Variants in KCNMA1 observed in about 807,000 individuals in gnomAD.
KCNMA1 encodes potassium calcium-activated channel subfamily M alpha 1.
Under a neutral mutation model 140.0 loss-of-function variants are expected in KCNMA1, and 29 were observed. The observed-to-expected ratio is 0.21, with a 90% CI of 0.15 to 0.28. The LOEUF (loss-of-function observed/expected upper bound fraction) is 0.28, where lower values mean the gene tolerates loss of function less well. KCNMA1 is among the 10% of genes least tolerant of loss of function. The pLI is 1.00. For missense variants in KCNMA1, 880 were observed against 1,602.2 expected, an observed-to-expected ratio of 0.55 and a Z score of 7.70; for synonymous variants, 612 against 611.9, an observed-to-expected ratio of 1.00 and a Z score of 0.00.
chr10:77,334,207 C>A (rs2154368978), intron 2 of KCNMA1, among the ~76,000 whole-genome samples: 1 of 152,244 alleles, frequency 6.6e-6, no homozygotes, highest in African/African-American at 2.4e-5. Context: ...CTCATTCGCT[C>A]ACCGCTCTAC....
At chr10:77,324,969 CTCTGTGTGTGTGTGTGTG>C (rs1384835444) in intron 2 of KCNMA1, among the ~76,000 whole-genome samples, 1 of 95,086 alleles carries the variant, frequency 1.1e-5, no homozygotes, top group East Asian at 2.7e-4. Context: ...CTCTCTCTCT[CTCTGTGTGTGTGTGTGTG>C]TGTGTGTGTG....
At chr10:76,928,370 T>G (rs1381718181) in intron 23 of KCNMA1, among the ~76,000 whole-genome samples, 5 of 151,696 alleles carry the variant, frequency 3.3e-5, no homozygotes, top group Non-Finnish European at 7.4e-5. Flanking sequence ...GGGAAGAGAC[T>G]TCCTGCCTCC....
At chr10:77,472,753 CTG>C (rs1368182236) in intron 1 of KCNMA1, among the ~76,000 whole-genome samples, 1 of 152,202 alleles carries the variant, frequency 6.6e-6, no homozygotes, top group Non-Finnish European at 1.5e-5. Context: ...AGTCTTTCAT[CTG>C]TGACATCTGT....
At chr10:77,463,524 G>C (rs2097917718) in intron 1 of KCNMA1, among the ~76,000 whole-genome samples, 2 of 152,220 alleles carry the variant, frequency 1.3e-5, no homozygotes, top group Non-Finnish European at 2.9e-5. Context: ...TGAGCAGAGA[G>C]GAGCCGCTCT....
At chr10:77,360,764 T>G (rs1383093627) in intron 2 of KCNMA1, among the ~76,000 whole-genome samples, 2 of 152,144 alleles carry the variant, frequency 1.3e-5, no homozygotes, top group Non-Finnish European at 2.9e-5. Flanking sequence ...CCTGGCCCTT[T>G]CCACAGCACT....
At chr10:77,310,673 T>G (rs1185280181) in intron 2 of KCNMA1, among the ~76,000 whole-genome samples, 3 of 152,194 alleles carry the variant, frequency 2.0e-5, no homozygotes. Context: ...AATTTCTCCC[T>G]GCTATGGAGA....
rs3068755 is a variant in KCNMA1 at position 77,324,940 on chromosome 10, ACTCTCTCTCTCTCT to A, written c.541-73698_541-73685del. ...TTCTGGACACTCAGTATAGCTCTAG[ACTCTCTCTCTCTCT>A]CTCTCTCTCTCTCTCTCTGTGTGTG... On this transcript the variant is annotated intron_variant, in intron 2 of 27. Coordinates refer to ENST00000286628, the MANE Select transcript of KCNMA1 (RefSeq NM_001161352.2). 8.7e-3 allele frequency among the ~76,000 whole-genome samples: 811 copies of A among 93,466 alleles called. 12 individuals are homozygous for A. The highest frequency in any genetic ancestry group is 0.017 in the African/African-American group (534 of 31,404). 61.3% of individuals were successfully genotyped at this position (93,466 alleles called of 152,430 possible).
chr10:77,234,243 T>C (rs2054627193), intron 3 of KCNMA1, among the ~76,000 whole-genome samples: 1 of 152,202 alleles, frequency 6.6e-6, no homozygotes, highest in African/African-American at 2.4e-5. Flanking sequence ...ATAAATAATA[T>C]TTTTCTGAGA....
chr10:77,311,383 C>A (rs1200585512), intron 2 of KCNMA1, among the ~76,000 whole-genome samples: 1 of 152,074 alleles, frequency 6.6e-6, no homozygotes, highest in Non-Finnish European at 1.5e-5. Flanking sequence ...TCCATGGCAA[C>A]AGATGCTCCC....
At chr10:77,583,481 A>T (rs1406358759) in intron 1 of KCNMA1, among the ~76,000 whole-genome samples, 1 of 152,228 alleles carries the variant, frequency 6.6e-6, no homozygotes, top group African/African-American at 2.4e-5. Flanking sequence ...TCTCAAAAGG[A>T]GGTGATGATC....
intron 2 of KCNMA1, among the ~76,000 whole-genome samples, chr10:77,290,079 T>C (rs1221325389): frequency 2.0e-5 from 3 of 152,206 alleles, no homozygotes; most frequent in Admixed American, 6.5e-5. Flanking sequence ...CCACTGATTA[T>C]AGTGGTGGTT....
chr10:76,878,039 A>C, intron 29 of KCNMA1: 1 of 748,826 alleles, frequency 1.3e-6, no homozygotes, highest in Non-Finnish European at 2.3e-6. Context: ...GAGACAGTGC[A>C]GTGTAGGGAG....
At chr10:76,955,211 T>TA (rs1335293571) in intron 20 of KCNMA1, among the ~76,000 whole-genome samples, 15 of 151,544 alleles carry the variant, frequency 9.9e-5, no homozygotes, top group Non-Finnish European at 1.6e-4. Context: ...TTTTTTTTTT[T>TA]TAGACAGAGT....
At chr10:77,164,558 A>G (rs1442098696) in intron 5 of KCNMA1, among the ~76,000 whole-genome samples, 1 of 151,982 alleles carries the variant, frequency 6.6e-6, no homozygotes, top group Non-Finnish European at 1.5e-5. Context: ...ATGATCTTTA[A>G]GAAAAGACAA....
intron 16 of KCNMA1, chr10:77,025,407 G>A (rs2093357048): frequency 6.3e-7 from 1 of 1,576,892 alleles, no homozygotes; most frequent in African/African-American, 1.4e-5. Flanking sequence ...TGAAGATAGA[G>A]GGTGGAGGTT....
At chr10:77,633,611 AATGGGATCTG>A (rs2093440108) in intron 1 of KCNMA1, among the ~76,000 whole-genome samples, 1 of 152,218 alleles carries the variant, frequency 6.6e-6, no homozygotes, top group African/African-American at 2.4e-5. Context: ...ACCAAGCTGT[AATGGGATCTG>A]ATATTTATAT....
intron 11 of KCNMA1, 36 bp from the exon 12 acceptor site, chr10:77,084,755 C>A: frequency 6.9e-7 from 1 of 1,442,142 alleles, no homozygotes; most frequent in Non-Finnish European, 9.8e-7. Context: ...AGAACACAAA[C>A]ATATAAATAG....
chr10:77,419,591 T>C (rs7911383), intron 1 of KCNMA1, among the ~76,000 whole-genome samples: 2,256 of 152,280 alleles, frequency 0.015, 57 homozygotes, highest in African/African-American at 0.051. Context: ...ATACCGACAG[T>C]ATTTTATTTT....
intron 19 of KCNMA1, among the ~76,000 whole-genome samples, chr10:76,992,644 G>A (rs545290768): frequency 6.6e-6 from 1 of 152,268 alleles, no homozygotes; most frequent in South Asian, 2.1e-4. Context: ...ACCACCATGA[G>A]GGAACCCAGG....
Sources: gnomAD v4.1 joint callset for allele counts (sites outside exome capture counted in the v4.1 genomes callset) on GRCh38, gnomAD v4.1.1 for gene constraint, MANE v1.5 for transcripts, NCBI Gene and HGNC (gene_info 2026-07-23, HGNC 2026-07-21) for gene names.